QTMAN: variants seen among roughly 807,000 people sequenced by gnomAD.
QTMAN encodes the protein tRNA-queuosine alpha-mannosyltransferase.
chr2:144,302,143 G>T, the QTMAN span, among the ~76,000 whole-genome samples: 3 of 151,660 alleles, frequency 2.0e-5, no homozygotes, highest in Non-Finnish European at 2.9e-5. Context: ...CCACACTTAG[G>T]GCATACAGAA....
At chr2:144,188,458 T>G in the QTMAN span, among the ~76,000 whole-genome samples, 2 of 152,072 alleles carry the variant, frequency 1.3e-5, no homozygotes, top group Non-Finnish European at 2.9e-5. Context: ...TAATCAGCCA[T>G]GCAAGAGTGC....
chr2:144,249,955 A>C, the QTMAN span, among the ~76,000 whole-genome samples: 1 of 152,144 alleles, frequency 6.6e-6, no homozygotes, highest in Non-Finnish European at 1.5e-5. Context: ...ACCAATCTAA[A>C]ATATAGAAAG....
At chr2:144,083,314 T>G in the QTMAN span, among the ~76,000 whole-genome samples, 5 of 152,174 alleles carry the variant, frequency 3.3e-5, no homozygotes, top group African/African-American at 7.2e-5. Flanking sequence ...GTCCCAGCTA[T>G]GCCTAGACTT....
the QTMAN span, among the ~76,000 whole-genome samples, chr2:144,058,955 A>G: frequency 7.9e-5 from 12 of 152,146 alleles, no homozygotes; most frequent in Admixed American, 5.9e-4. Context: ...GTTTTCTCCA[A>G]TTTAATGTTA....
chr2:144,110,729 C>T, the QTMAN span, among the ~76,000 whole-genome samples: 6,888 of 143,996 alleles, frequency 0.048, 537 homozygotes, highest in African/African-American at 0.16. Context: ...TGAAATCTTA[C>T]ATTACGAAAT....
At chr2:144,328,293 A>C in the QTMAN span, among the ~76,000 whole-genome samples, 1 of 152,206 alleles carries the variant, frequency 6.6e-6, no homozygotes, top group Non-Finnish European at 1.5e-5. Flanking sequence ...TCGTCTGTTT[A>C]AATGACTTGT....
At chr2:143,966,233 T>C in the QTMAN span, among the ~76,000 whole-genome samples, 1 of 152,204 alleles carries the variant, frequency 6.6e-6, no homozygotes, top group East Asian at 1.9e-4. Flanking sequence ...CTTACTTTTT[T>C]CAGCTGTAAA....
At chr2:144,315,696 C>A in the QTMAN span, among the ~76,000 whole-genome samples, 1 of 152,206 alleles carries the variant, frequency 6.6e-6, no homozygotes, top group East Asian at 1.9e-4. Context: ...TACTTCTCAC[C>A]TCTGTCCAAC....
the QTMAN span, among the ~76,000 whole-genome samples, chr2:144,274,682 C>T: frequency 6.6e-6 from 1 of 152,198 alleles, no homozygotes; most frequent in African/African-American, 2.4e-5. Flanking sequence ...CAGACTTGTC[C>T]TATGCATCTC....
chr2:144,263,279 A>C, the QTMAN span, among the ~76,000 whole-genome samples: 1 of 152,058 alleles, frequency 6.6e-6, no homozygotes, highest in Non-Finnish European at 1.5e-5. Context: ...TTTAAGTTTT[A>C]ATACAGTGGT....
chr2:144,061,767 C>G, the QTMAN span, among the ~76,000 whole-genome samples: 2 of 152,068 alleles, frequency 1.3e-5, no homozygotes, highest in Non-Finnish European at 2.9e-5. Flanking sequence ...CCTGCCACAC[C>G]CCCCATCCTG....
At chr2:144,022,326 G>A in the QTMAN span, among the ~76,000 whole-genome samples, 1 of 150,396 alleles carries the variant, frequency 6.6e-6, no homozygotes, top group Non-Finnish European at 1.5e-5. Context: ...GTCTTACTCT[G>A]TTGCCCGGGC....
the QTMAN span, among the ~76,000 whole-genome samples, chr2:143,981,999 C>T: frequency 6.6e-6 from 1 of 152,030 alleles, no homozygotes; most frequent in Non-Finnish European, 1.5e-5. Flanking sequence ...TTTGTGGCTC[C>T]TTATTTCAGG....
the QTMAN span, among the ~76,000 whole-genome samples, chr2:144,014,285 T>C: frequency 6.6e-6 from 1 of 152,166 alleles, no homozygotes; most frequent in Non-Finnish European, 1.5e-5. Flanking sequence ...CCAATCATGA[T>C]GCACACTGCA....
At chr2:144,134,512 T>C in the QTMAN span, among the ~76,000 whole-genome samples, 1 of 152,108 alleles carries the variant, frequency 6.6e-6, no homozygotes, top group Non-Finnish European at 1.5e-5. Context: ...TAATCCCTAT[T>C]CCAGGGATGT....
chr2:144,088,097 G>A, the QTMAN span, among the ~76,000 whole-genome samples: 1 of 152,062 alleles, frequency 6.6e-6, no homozygotes, highest in East Asian at 1.9e-4. Flanking sequence ...AATGAATTCA[G>A]TAAAGTTGCA....
chr2:143,982,791 T>C, the QTMAN span, among the ~76,000 whole-genome samples: 1 of 148,444 alleles, frequency 6.7e-6, no homozygotes, highest in Non-Finnish European at 1.5e-5. Flanking sequence ...GTGGTGGAGG[T>C]TGCAGCGAGC....
the QTMAN span, chr2:144,294,311 G>A: frequency 6.6e-6 from 1 of 152,188 alleles, no homozygotes; most frequent in Admixed American, 6.5e-5. Context: ...GCTCCCACTG[G>A]TGTGCCCTTC....
At chr2:144,310,935 A>G in the QTMAN span, among the ~76,000 whole-genome samples, 1 of 152,186 alleles carries the variant, frequency 6.6e-6, no homozygotes, top group Non-Finnish European at 1.5e-5. Flanking sequence ...ATCACTGGAT[A>G]TGATGGTATG....
Sources: gnomAD v4.1 joint callset for allele counts (sites outside exome capture counted in the v4.1 genomes callset) on GRCh38, gnomAD v4.1.1 for gene constraint, MANE v1.5 for transcripts, NCBI Gene and HGNC (gene_info 2026-07-23, HGNC 2026-07-21) for gene names.